ATP9B: variants seen among roughly 807,000 people sequenced by gnomAD.
The protein encoded by ATP9B is probable phospholipid-transporting ATPase IIB.
In ATP9B, 110 loss-of-function variants were observed where a neutral mutation model predicts 146.1. The ratio of observed to expected loss-of-function variants is 0.75; its 90% confidence interval spans 0.65 to 0.88. The LOEUF (loss-of-function observed/expected upper bound fraction) is 0.88, where lower values mean the gene tolerates loss of function less well. ATP9B is among the 40% of genes least tolerant of loss of function. The probability of loss-of-function intolerance (pLI) is 0.00; values close to 1 mark genes in which losing one functional copy is unlikely to be tolerated. For missense variants in ATP9B, 1,499 were observed against 1,496.4 expected, an observed-to-expected ratio of 1.00 and a Z score of -0.03; for synonymous variants, 604 against 569.7, an observed-to-expected ratio of 1.06 and a Z score of -0.86.
chr18:79,291,766 A>G (rs1258994842), intron 13 of ATP9B, among the ~76,000 whole-genome samples: 1 of 152,240 alleles, frequency 6.6e-6, no homozygotes. Context: ...ACATTTTAGA[A>G]GATACCACGC....
chr18:79,337,234 A>G (rs1388456603), intron 18 of ATP9B, 45 bp from the exon 19 acceptor site: 1 of 1,603,206 alleles, frequency 6.2e-7, no homozygotes, highest in Non-Finnish European at 8.5e-7. Context: ...GTCCACACAC[A>G]GCACGTACAC....
At chr18:79,136,398 G>T (rs1279091604) in intron 5 of ATP9B, among the ~76,000 whole-genome samples, 1 of 152,026 alleles carries the variant, frequency 6.6e-6, no homozygotes, top group Non-Finnish European at 1.5e-5. Context: ...TTTGTTACTG[G>T]TTTTGAGCGA....
intron 9 of ATP9B, chr18:79,194,573 T>A (rs1184551214): frequency 4.6e-5 from 7 of 152,224 alleles, no homozygotes; most frequent in Non-Finnish European, 1.0e-4. Flanking sequence ...ATCTTTAGCT[T>A]AGAAGAGAAA....
intron 8 of ATP9B, among the ~76,000 whole-genome samples, chr18:79,190,171 A>G (rs181156407): frequency 4.1e-4 from 63 of 152,312 alleles, no homozygotes; most frequent in African/African-American, 1.5e-3. Flanking sequence ...AGATGGTGTC[A>G]TGACCTGTGT....
At chr18:79,086,149 G>GCATC (rs2073803317) in intron 1 of ATP9B, 1 of 151,874 alleles carries the variant, frequency 6.6e-6, no homozygotes, top group African/African-American at 2.4e-5. Context: ...CCTTTAAAAG[G>GCATC]CATCCGTAGG....
chr18:79,318,317 C>T (rs960382090), intron 15 of ATP9B, among the ~76,000 whole-genome samples: 1 of 152,226 alleles, frequency 6.6e-6, no homozygotes, highest in Non-Finnish European at 1.5e-5. Context: ...AGTGAAAAGT[C>T]GTGTTGCTAG....
chr18:79,135,844 GT>G (rs59908075), intron 5 of ATP9B, among the ~76,000 whole-genome samples: 2 of 151,978 alleles, frequency 1.3e-5, no homozygotes, highest in Non-Finnish European at 2.9e-5. Context: ...GAGTATGGGT[GT>G]TTTTTTGCAT....
intron 2 of ATP9B, among the ~76,000 whole-genome samples, chr18:79,098,203 T>C (rs2074968823): frequency 1.3e-5 from 2 of 152,136 alleles, no homozygotes; most frequent in African/African-American, 4.8e-5. Flanking sequence ...AAGCTGAAAC[T>C]GGATCCCTTC....
intron 11 of ATP9B, among the ~76,000 whole-genome samples, chr18:79,237,299 G>A (rs1355277822): frequency 4.8e-5 from 7 of 147,284 alleles, no homozygotes; most frequent in Non-Finnish European, 8.9e-5. Context: ...TACACGGTCC[G>A]TGCACGAGTC....
At chr18:79,328,292 C>A (rs1357245740) in intron 15 of ATP9B, among the ~76,000 whole-genome samples, 1 of 152,184 alleles carries the variant, frequency 6.6e-6, no homozygotes, top group African/African-American at 2.4e-5. Context: ...AGGGAGGTTG[C>A]TTTTAAAGAC....
intron 17 of ATP9B, among the ~76,000 whole-genome samples, chr18:79,335,497 G>A (rs1361222109): frequency 6.6e-6 from 1 of 152,206 alleles, no homozygotes; most frequent in East Asian, 1.9e-4. Context: ...GACTGAACAC[G>A]GTTAGCACCG....
chr18:79,316,614 C>T (rs115960036), intron 15 of ATP9B, among the ~76,000 whole-genome samples: 1,593 of 152,218 alleles, frequency 0.01, 32 homozygotes, highest in African/African-American at 0.037. Context: ...TAGCAGTGAC[C>T]TCAGGACAGC....
rs140906658 is a variant in ATP9B at position 79,247,488 on chromosome 18, C to T, written c.1108-5893C>T. On this transcript the variant is annotated intron_variant, in intron 11 of 29. Transcript: ENST00000426216. ...AACCTCATTCTGCACTCATGAAGCCCCCTTCAAACTTAGCAGGTAATATGC... is the reference window on the plus strand; with the variant it reads ...AACCTCATTCTGCACTCATGAAGCCTCCTTCAAACTTAGCAGGTAATATGC... Among the ~76,000 whole-genome samples the T allele has an allele frequency of 1.8e-3, 272 of 152,246 alleles. 2 individuals are homozygous for T. Among genetic ancestry groups the T allele is most frequent in the South Asian group, 0.012 (59 of 4,814 alleles).
chr18:79,363,850 C>G (rs1330545578), intron 26 of ATP9B: 1 of 151,122 alleles, frequency 6.6e-6, no homozygotes, highest in Non-Finnish European at 1.5e-5. Flanking sequence ...ACAGATGTTC[C>G]TGGATTGAGC....
intron 2 of ATP9B, among the ~76,000 whole-genome samples, chr18:79,102,721 T>TG (rs1037995755): frequency 3.3e-5 from 5 of 152,112 alleles, no homozygotes; most frequent in South Asian, 2.1e-4. Context: ...TTTATTAGTT[T>TG]GGGGGGGATT....
rs1234515563 is a variant in ATP9B at position 79,092,616 on chromosome 18, T to TA, written c.120-3853dup. On this transcript the variant is annotated intron_variant, in intron 1 of 29. Coordinates refer to ENST00000426216, the MANE Select transcript of ATP9B (RefSeq NM_198531.5). Reference sequence around the variant, plus strand: ...TAATTCTATATGCTTTTTTCTTTTTTAAAAAAATTTATTTTTACTTAAACT... The same window carrying TA: ...TAATTCTATATGCTTTTTTCTTTTTTAAAAAAAATTTATTTTTACTTAAACT... 1.2e-3 allele frequency among the ~76,000 whole-genome samples: 188 copies of TA among 151,298 alleles called. 1 individual carries two copies. Among genetic ancestry groups the TA allele is most frequent in the African/African-American group, 4.3e-3 (176 of 41,304 alleles).
intron 27 of ATP9B, 85 bp from the exon 28 acceptor site, chr18:79,373,813 A>G (rs1164175119): frequency 7.1e-7 from 1 of 1,406,860 alleles, no homozygotes; most frequent in Non-Finnish European, 1.0e-6. Flanking sequence ...AAGGGTCTTG[A>G]GTGACGTTGC....
At chr18:79,167,280 C>A (rs1251727072) in intron 7 of ATP9B, among the ~76,000 whole-genome samples, 3 of 152,190 alleles carry the variant, frequency 2.0e-5, no homozygotes, top group Non-Finnish European at 2.9e-5. Context: ...CCAGGAAGAA[C>A]AAGGTATATG....
At chr18:79,161,704 G>A (rs1240480953) in intron 7 of ATP9B, among the ~76,000 whole-genome samples, 2 of 151,968 alleles carry the variant, frequency 1.3e-5, no homozygotes, top group Admixed American at 6.6e-5. Context: ...AAAATTTGCC[G>A]GCGTGGTGGC....
Sources: allele counts gnomAD v4.1 joint callset (sites outside exome capture counted in the v4.1 genomes callset), GRCh38; gene constraint gnomAD v4.1.1; transcripts MANE v1.5; gene names NCBI Gene and HGNC (gene_info 2026-07-23, HGNC 2026-07-21).